ANO2: variants seen among roughly 807,000 people sequenced by gnomAD.
The protein encoded by ANO2 is anoctamin 2.
A neutral mutation model predicts 124.2 loss-of-function variants in ANO2; 101 were observed. The ratio of observed to expected loss-of-function variants is 0.81; its 90% CI spans 0.69 to 0.96. The LOEUF (loss-of-function observed/expected upper bound fraction) is 0.96. Ranked by LOEUF, ANO2 falls within the 40% of genes least tolerant of loss-of-function variation. The pLI is 0.00. For synonymous variants in ANO2, 486 were observed against 482.5 expected (o/e 1.01, Z -0.09); for missense variants, 1,293 against 1,274.5 (o/e 1.01, Z -0.22).
At chr12:5,842,545 A>T (rs1954545826) in intron 4 of ANO2, among the ~76,000 whole-genome samples, 3 of 152,082 alleles carry the variant, frequency 2.0e-5, no homozygotes, top group Admixed American at 2.0e-4. Context: ...CCATCTCAGC[A>T]TCACCCTCCA....
At chr12:5,842,836 G>A (rs77816620) in intron 4 of ANO2, among the ~76,000 whole-genome samples, 7,216 of 152,180 alleles carry the variant, frequency 0.047, 204 homozygotes, top group African/African-American at 0.072. Flanking sequence ...GACCATCTCA[G>A]GTTCCTCACA....
rs540390164 is a variant in ANO2, at chr12:5,702,808, A to G, written c.1545+29712T>C. ...AGTATATTTGACTGCATTTAAGTTA[A>G]AATGAAATATCACTTCATAATCATC... On this transcript the variant is annotated intron_variant, in intron 14 of 24. Transcript: ENST00000682330. Among the ~76,000 whole-genome samples, 48 of 152,364 alleles carry G rather than the reference A, an allele frequency of 3.2e-4. 1 individual carries two copies. The South Asian group carries it at 8.7e-3, about 28-fold the overall frequency.
intron 16 of ANO2, among the ~76,000 whole-genome samples, chr12:5,627,828 C>T (rs1406645152): frequency 6.6e-6 from 1 of 152,044 alleles, no homozygotes; most frequent in Non-Finnish European, 1.5e-5. Flanking sequence ...CACGCTGGCT[C>T]ACACCAGTAG....
intron 10 of ANO2, among the ~76,000 whole-genome samples, chr12:5,798,021 GAT>G (rs1353003262): frequency 6.6e-6 from 1 of 152,148 alleles, no homozygotes; most frequent in East Asian, 1.9e-4. Flanking sequence ...TGCGGGAAAA[GAT>G]AGGGCTCTCT....
At chr12:5,732,716 C>T in intron 13 of ANO2, 86 bp from the exon 14 acceptor site, 7 of 1,525,292 alleles carry the variant, frequency 4.6e-6, no homozygotes, top group Middle Eastern at 1.7e-4. Context: ...TGTACATTAA[C>T]GTCAGCGTTT....
intron 15 of ANO2, among the ~76,000 whole-genome samples, chr12:5,641,355 C>A (rs1366091746): frequency 6.6e-6 from 1 of 151,824 alleles, no homozygotes; most frequent in Non-Finnish European, 1.5e-5. Flanking sequence ...CACATGTACC[C>A]TAGAACTTAA....
At chr12:5,568,387 C>G (rs937908523) in intron 23 of ANO2, among the ~76,000 whole-genome samples, 19 of 151,972 alleles carry the variant, frequency 1.3e-4, no homozygotes, top group Admixed American at 2.6e-4. Flanking sequence ...CTGATCCGCC[C>G]GTGCTGGCCA....
At chr12:5,810,261 C>T (rs1453189775) in intron 7 of ANO2, among the ~76,000 whole-genome samples, 1 of 152,236 alleles carries the variant, frequency 6.6e-6, no homozygotes, top group Admixed American at 6.5e-5. Context: ...AGCATCCATC[C>T]ACAACTTTAC....
intron 4 of ANO2, among the ~76,000 whole-genome samples, chr12:5,837,311 T>TA: frequency 7.6e-6 from 1 of 131,626 alleles, no homozygotes; most frequent in Non-Finnish European, 1.6e-5. Context: ...TTTTTTTTTT[T>TA]TATGATTCCT....
At chr12:5,827,402 G>A (rs920849295) in intron 7 of ANO2, among the ~76,000 whole-genome samples, 3 of 152,184 alleles carry the variant, frequency 2.0e-5, no homozygotes, top group Admixed American at 2.0e-4. Context: ...TGGACTAAAG[G>A]ACCTCTAAGA....
intron 16 of ANO2, among the ~76,000 whole-genome samples, chr12:5,627,323 C>G (rs2136926442): frequency 6.6e-6 from 1 of 152,270 alleles, no homozygotes; most frequent in South Asian, 2.1e-4. Context: ...GAGCCGGGAG[C>G]CCCAGAGAGC....
At position 5,744,328 on chromosome 12, in the gene ANO2, T is replaced by C. The variant is rs1951202192; in HGVS notation, c.1191-11A>G. Reference sequence around the variant, plus strand: ...TCACACATCTCTCTGCTGCAATAGATGGAGGTTGTTGGGTCAGGTGGAGCT... The same window carrying C: ...TCACACATCTCTCTGCTGCAATAGACGGAGGTTGTTGGGTCAGGTGGAGCT... On this transcript the variant is annotated splice_polypyrimidine_tract_variant and intron_variant, in intron 11 of 24. Coordinates refer to ENST00000682330, the MANE Select transcript of ANO2 (RefSeq NM_001364791.2). 6 of 1,613,772 alleles carry C rather than the reference T, an allele frequency of 3.7e-6. No homozygotes were observed. The highest frequency in any genetic ancestry group is 5.1e-6 in the Non-Finnish European group (6 of 1,179,722).
At chr12:5,817,439 G>T (rs986162565) in intron 7 of ANO2, among the ~76,000 whole-genome samples, 1 of 152,186 alleles carries the variant, frequency 6.6e-6, no homozygotes, top group African/African-American at 2.4e-5. Flanking sequence ...GGGCATAGAA[G>T]ATGACTCAGA....
chr12:5,706,217 C>T (rs1351312425), intron 14 of ANO2, among the ~76,000 whole-genome samples: 6 of 152,204 alleles, frequency 3.9e-5, no homozygotes, highest in African/African-American at 1.2e-4. Flanking sequence ...CAAATACAAT[C>T]ACTTATGTTT....
At chr12:5,710,745 C>A (rs1565595272) in intron 14 of ANO2, among the ~76,000 whole-genome samples, 1 of 152,070 alleles carries the variant, frequency 6.6e-6, no homozygotes, top group Non-Finnish European at 1.5e-5. Flanking sequence ...AAAATGCTAA[C>A]CACAAGTAGA....
At position 5,626,710 on chromosome 12, in the gene ANO2, G is replaced by A. The variant is rs1254009528; in HGVS notation, c.1816+8442C>T. Among the ~76,000 whole-genome samples, 3 of 152,196 alleles carry A rather than the reference G, an allele frequency of 2.0e-5. No homozygotes were observed. In the East Asian group the frequency reaches 5.8e-4, roughly 29 times the overall value. ...AGTGAAGAGACAAGGAGAGGAAATG[G>A]CATGGCTGATGCCCAGGAAGAACCA... On this transcript the variant is annotated intron_variant, in intron 16 of 24. Transcript: ENST00000682330.
chr12:5,937,324 T>C (rs12303734), intron 1 of ANO2, among the ~76,000 whole-genome samples: 14,822 of 152,252 alleles, frequency 0.097, 1,150 homozygotes, highest in African/African-American at 0.21. Context: ...CGTCGAGGAC[T>C]TTTTCATATA....
rs1380904268 is a variant in ANO2 at position 5,719,478 on chromosome 12, C to CT, written c.1545+13041dup. On this transcript the variant is annotated intron_variant, in intron 14 of 24. Transcript: ENST00000682330. The stretch of plus-strand genomic sequence containing the variant: ...TAAGAGACAGGGTCTTTAAGAAGTG[C>CT]TTAAGTCCTGAGGAGCTCTGCCCTC... 5.3e-5 allele frequency among the ~76,000 whole-genome samples: 8 copies of CT among 152,276 alleles called. No individual in the cohort carries two copies. In the East Asian group the frequency reaches 9.7e-4, roughly 18 times the overall value.
At chr12:5,806,481 T>G (rs1173756708) in intron 8 of ANO2, among the ~76,000 whole-genome samples, 1 of 152,204 alleles carries the variant, frequency 6.6e-6, no homozygotes, top group Non-Finnish European at 1.5e-5. Flanking sequence ...TGCAAATATG[T>G]CAGGAATTAG....
Sources: allele counts gnomAD v4.1 joint callset (sites outside exome capture counted in the v4.1 genomes callset), GRCh38; gene constraint gnomAD v4.1.1; transcripts MANE v1.5; gene names NCBI Gene and HGNC (gene_info 2026-07-23, HGNC 2026-07-21).